Variants in PNPT1 observed in about 807,000 individuals in gnomAD.
PNPT1 encodes polyribonucleotide nucleotidyltransferase 1.
In PNPT1, 53 loss-of-function variants were observed where a neutral mutation model predicts 119.5. That is an observed-to-expected ratio of 0.44 (90% CI 0.36 to 0.56). The LOEUF (loss-of-function observed/expected upper bound fraction) is 0.56. Among genes scored for constraint, PNPT1 ranks in the 20% least tolerant of loss-of-function variants. The probability of loss-of-function intolerance (pLI) is 0.00; values close to 1 mark genes in which losing one functional copy is unlikely to be tolerated. For synonymous variants in PNPT1, 357 were observed against 322.1 expected (o/e 1.11, Z -1.16); for missense variants, 948 against 938.5 (o/e 1.01, Z -0.13).
chr2:55,666,100 G>C (rs951311722), intron 13 of PNPT1, among the ~76,000 whole-genome samples: 1 of 152,092 alleles, frequency 6.6e-6, no homozygotes, highest in Non-Finnish European at 1.5e-5. Flanking sequence ...TTAAAAGAAA[G>C]ATACAACAGA....
chr2:55,645,358 G>A lies in PNPT1; in HGVS notation c.1813C>T (p.Pro605Ser). 1 of 1,606,404 alleles carries A rather than the reference G, an allele frequency of 6.2e-7. No individual in the cohort carries two copies. The highest frequency in any genetic ancestry group is 8.5e-7 in the Non-Finnish European group (1 of 1,173,552). Reference protein sequence around the residue: ...KPRASRKENGPVVETVQVPLS... With the variant: ...KPRASRKENGSVVETVQVPLS... Reference sequence around the variant, plus strand: ...AATTTTAATGTATTACCTACAACAGGTCCATTTTCTTTTCTAGATGCTCGA... The same window carrying A: ...AATTTTAATGTATTACCTACAACAGATCCATTTTCTTTTCTAGATGCTCGA... Residue 605 changes from proline to serine, a missense_variant, in exon 22 of 28, where the codon CCT becomes TCT. By Grantham distance (74) the Pro-to-Ser change is moderately conservative. Transcript: ENST00000447944.
At chr2:55,650,409 T>C (rs965727614) in intron 18 of PNPT1, among the ~76,000 whole-genome samples, 1 of 152,192 alleles carries the variant, frequency 6.6e-6, no homozygotes, top group African/African-American at 2.4e-5. Context: ...CATCCTGAGG[T>C]GCCGGGATTG....
intron 15 of PNPT1, among the ~76,000 whole-genome samples, chr2:55,657,458 G>A (rs946688651): frequency 1.3e-5 from 2 of 150,478 alleles, no homozygotes; most frequent in Admixed American, 6.6e-5. Context: ...GTGCAATCTC[G>A]GCTCACTGCA....
At chr2:55,638,964 C>G (rs943809736) in intron 26 of PNPT1, among the ~76,000 whole-genome samples, 1 of 152,026 alleles carries the variant, frequency 6.6e-6, no homozygotes, top group South Asian at 2.1e-4. Flanking sequence ...TTAGTAGACA[C>G]GGGGGTTTGC....
In PNPT1 at chr2:55,635,608, CATT is replaced by C. The variant is rs1236577671; in HGVS notation, c.*626_*628del. 1.3e-5 allele frequency: 2 copies of C among 152,212 alleles called. No homozygotes were observed. The highest frequency in any genetic ancestry group is 4.8e-5 in the African/African-American group (2 of 41,440). 9.4% of individuals were successfully genotyped at this position (152,212 alleles called of 1,614,324 possible). On this transcript the variant is annotated 3_prime_UTR_variant, in exon 28 of 28. Transcript: ENST00000447944. ...TTAGGTAAATTTGAAAAATATACAT[CATT>C]ACTACCACATTCATCCTAGTTAGAA...
At chr2:55,656,246 TAA>T in intron 16 of PNPT1, 26 bp from the exon 17 acceptor site, 1 of 1,611,150 alleles carries the variant, frequency 6.2e-7, no homozygotes, top group Non-Finnish European at 8.5e-7. Flanking sequence ...AAACAATAAG[TAA>T]AAAATGTATT....
chr2:55,656,598 C>G (rs17800203), intron 15 of PNPT1, among the ~76,000 whole-genome samples: 1 of 151,988 alleles, frequency 6.6e-6, no homozygotes, highest in Non-Finnish European at 1.5e-5. Flanking sequence ...GATGTGGGAA[C>G]TGGATGGGTA....
intron 18 of PNPT1, among the ~76,000 whole-genome samples, chr2:55,650,816 A>G (rs1696156837): frequency 6.9e-6 from 1 of 145,884 alleles, no homozygotes; most frequent in Non-Finnish European, 1.5e-5. Flanking sequence ...AGAAGTGAGA[A>G]GCCCCTCCGC....
chr2:55,648,672 C>T (rs1696079611), intron 18 of PNPT1, among the ~76,000 whole-genome samples: 1 of 152,124 alleles, frequency 6.6e-6, no homozygotes, highest in South Asian at 2.1e-4. Flanking sequence ...GGTTGGCAGT[C>T]TTTTTATTAC....
intron 1 of PNPT1, among the ~76,000 whole-genome samples, chr2:55,690,135 T>C (rs138707565): frequency 4.9e-4 from 75 of 152,346 alleles, no homozygotes; most frequent in African/African-American, 1.7e-3. Context: ...TTGTACACTT[T>C]AAATTAACTG....
chr2:55,670,880 A>G (rs1696890938), intron 11 of PNPT1, among the ~76,000 whole-genome samples: 1 of 152,218 alleles, frequency 6.6e-6, no homozygotes, highest in Non-Finnish European at 1.5e-5. Flanking sequence ...ATTTAGCAGT[A>G]ACCTTGTGAG....
At chr2:55,672,821 G>A (rs1696954954) in intron 9 of PNPT1, 72 bp downstream of exon 9, 20 of 1,401,986 alleles carry the variant, frequency 1.4e-5, no homozygotes, top group Non-Finnish European at 1.7e-5. Flanking sequence ...TGCTTCCATG[G>A]GAAGTTTCTC....
At chr2:55,690,256 G>A (rs1697548100) in intron 1 of PNPT1, among the ~76,000 whole-genome samples, 1 of 152,214 alleles carries the variant, frequency 6.6e-6, no homozygotes, top group Non-Finnish European at 1.5e-5. Flanking sequence ...GGTTACTGAT[G>A]TCTTGAAACA....
Position 55,686,415 on chromosome 2 carries a change from C to T in PNPT1, c.252G>A (p.Ala84=), listed in dbSNP as rs755728784. ...QSGDTAVMVT[A]VSKTKPSPSQ... is the part of the protein sequence containing the mutation. The stretch of plus-strand genomic sequence containing the variant: ...AAGGGGAAGGTTTTGTTTTACTGAC[C>T]GCTGTGACCATTACTGCAGTGTCAC... The change falls in exon 3 of 28, where the codon GCG becomes GCA. Residue 84 remains alanine, a synonymous_variant. Coordinates refer to ENST00000447944, the MANE Select transcript of PNPT1 (RefSeq NM_033109.5). 15 of 1,613,756 alleles carry T rather than the reference C, an allele frequency of 9.3e-6. No individual in the cohort carries two copies. The highest frequency in any genetic ancestry group is 3.3e-4 in the Middle Eastern group (2 of 6,080).
At chr2:55,670,454 G>C (rs1030116281) in intron 11 of PNPT1, among the ~76,000 whole-genome samples, 6 of 152,208 alleles carry the variant, frequency 3.9e-5, no homozygotes, top group Non-Finnish European at 8.8e-5. Context: ...CCAAAGTGCT[G>C]GGATTACAGG....
At chr2:55,662,124 GAT>G in intron 13 of PNPT1, 98 bp from the exon 14 acceptor site, 2 of 1,011,828 alleles carry the variant, frequency 2.0e-6, no homozygotes, top group Non-Finnish European at 2.8e-6. Context: ...AAAAAAATGA[GAT>G]AAGTACATCC....
At chr2:55,693,516 G>T in intron 1 of PNPT1, 147 bp downstream of exon 1, 2 of 1,198,040 alleles carry the variant, frequency 1.7e-6, no homozygotes, top group Non-Finnish European at 2.3e-6. Flanking sequence ...TTCCAAACCC[G>T]GAAAGGGAAA....
chr2:55,682,761 T>C (rs944336474), intron 5 of PNPT1, among the ~76,000 whole-genome samples: 6 of 151,944 alleles, frequency 3.9e-5, no homozygotes, highest in Admixed American at 3.9e-4. Context: ...CAAAAAAACT[T>C]AGCTGGGTAT....
At chr2:55,660,352 T>C (rs1028169021) in intron 14 of PNPT1, among the ~76,000 whole-genome samples, 159 bp from the exon 15 acceptor site, 20 of 152,160 alleles carry the variant, frequency 1.3e-4, no homozygotes, top group African/African-American at 3.9e-4. Context: ...AGAAGGATGA[T>C]TGTGAGATGA....
Sources: gnomAD v4.1 joint callset for allele counts (sites outside exome capture counted in the v4.1 genomes callset) on GRCh38, gnomAD v4.1.1 for gene constraint, MANE v1.5 for transcripts, NCBI Gene and HGNC (gene_info 2026-07-23, HGNC 2026-07-21) for gene names.